The following FNIP1 variants were observed in gnomAD, a reference collection of about 807,000 sequenced individuals.
The protein encoded by FNIP1 is folliculin-interacting protein 1.
Under a neutral mutation model 124.5 loss-of-function variants are expected in FNIP1, and 40 were observed. The ratio of observed to expected loss-of-function variants is 0.32; its 90% confidence interval spans 0.25 to 0.42. The LOEUF (loss-of-function observed/expected upper bound fraction) is 0.42, where lower values mean the gene tolerates loss of function less well. Ranked by LOEUF, FNIP1 falls within the 10% of genes least tolerant of loss-of-function variation. The probability of loss-of-function intolerance (pLI) is 1.00; values close to 1 mark genes in which losing one functional copy is unlikely to be tolerated. For synonymous variants in FNIP1, 472 were observed against 470.6 expected (o/e 1.00, Z -0.04); for missense variants, 1,176 against 1,403.7 (o/e 0.84, Z 2.59).
At chr5:131,737,483 C>T (rs1770352067) in intron 2 of FNIP1, among the ~76,000 whole-genome samples, 1 of 152,176 alleles carries the variant, frequency 6.6e-6, no homozygotes, top group Admixed American at 6.5e-5. Context: ...CTTTCCAGCT[C>T]TCTCAAGTGC....
chr5:131,663,020 G>A (rs1767489018), intron 15 of FNIP1, among the ~76,000 whole-genome samples: 1 of 152,138 alleles, frequency 6.6e-6, no homozygotes, highest in Admixed American at 6.5e-5. Flanking sequence ...TGGGATTACA[G>A]GTGTGAGCCA....
In FNIP1 at chr5:131,672,757, C is replaced by G. The variant is rs755121685; in HGVS notation, c.1687G>C (p.Val563Leu). ...LLENGEDEAI[V>L]MPGTVITTTL... The stretch of plus-strand genomic sequence containing the variant: ...GTAGTAATTACTGTGCCTGGCATAA[C>G]GATGGCTTCATCTTCTCCATTTTCT... The change falls in exon 14 of 18, where the codon GTT becomes CTT. Residue 563 changes from valine (V) to leucine (L), a missense_variant. By Grantham distance (32) the Val-to-Leu change is conservative. Coordinates refer to ENST00000510461, the MANE Select transcript of FNIP1 (RefSeq NM_133372.3). The G allele has an allele frequency of 6.2e-7, 1 of 1,613,494 alleles. No individual in the cohort carries two copies. The highest frequency in any genetic ancestry group is 2.2e-5 in the East Asian group (1 of 44,880).
intron 17 of FNIP1, 91 bp from the exon 18 acceptor site, chr5:131,644,854 ATACCTCAACGG>A: frequency 7.9e-7 from 1 of 1,270,290 alleles, no homozygotes; most frequent in Non-Finnish European, 1.1e-6. Context: ...TAAGGTCACT[ATACCTCAACGG>A]TTAAGGAGCT....
intron 1 of FNIP1, among the ~76,000 whole-genome samples, chr5:131,771,634 C>T (rs1354141993): frequency 6.6e-6 from 1 of 152,148 alleles, no homozygotes; most frequent in Non-Finnish European, 1.5e-5. Flanking sequence ...TATAACAGCA[C>T]CCAATCATAC....
At position 131,707,910 on chromosome 5, in the gene FNIP1, T is replaced by C. The variant is rs530836809; in HGVS notation, c.778+1291A>G. On this transcript the variant is annotated intron_variant, in intron 8 of 17. Transcript: ENST00000510461. The stretch of plus-strand genomic sequence containing the variant: ...TATACTTAAATCTTAAATAAAATAA[T>C]GAGAATTAAATTCCTGCCAGGGAAG... Among the ~76,000 whole-genome samples, 11 of 152,130 alleles carry C rather than the reference T, an allele frequency of 7.2e-5. No individual in the cohort carries two copies. The South Asian group carries it at 2.3e-3, about 32-fold the overall frequency.
chr5:131,710,048 A>G (rs547958505), intron 7 of FNIP1, among the ~76,000 whole-genome samples: 2 of 152,352 alleles, frequency 1.3e-5, no homozygotes, highest in Admixed American at 6.5e-5. Flanking sequence ...CATCAACTTG[A>G]TTATGTAAGC....
At chr5:131,772,420 C>CAA (rs10579529) in intron 1 of FNIP1, among the ~76,000 whole-genome samples, 1 of 144,916 alleles carries the variant, frequency 6.9e-6, no homozygotes, top group Non-Finnish European at 1.5e-5. Flanking sequence ...AAATTCAAAC[C>CAA]AAAAAAAAAA....
At chr5:131,646,383 A>C (rs1217067847) in intron 17 of FNIP1, among the ~76,000 whole-genome samples, 1 of 152,160 alleles carries the variant, frequency 6.6e-6, no homozygotes, top group East Asian at 1.9e-4. Context: ...CACTAGTAAA[A>C]AATTTTCATG....
At chr5:131,712,508 T>A (rs1460926941) in intron 6 of FNIP1, among the ~76,000 whole-genome samples, 2 of 152,182 alleles carry the variant, frequency 1.3e-5, no homozygotes, top group Non-Finnish European at 2.9e-5. Flanking sequence ...AACGAAAATA[T>A]CACAAAAGAC....
chr5:131,752,557 C>A (rs1208486308), intron 1 of FNIP1, among the ~76,000 whole-genome samples: 13 of 144,226 alleles, frequency 9.0e-5, no homozygotes, highest in African/African-American at 3.2e-4. Flanking sequence ...AAAAAAAGAC[C>A]AGTCCAGAGA....
intron 6 of FNIP1, among the ~76,000 whole-genome samples, chr5:131,714,955 C>T (rs1451143443): frequency 6.6e-6 from 1 of 152,130 alleles, no homozygotes; most frequent in Non-Finnish European, 1.5e-5. Context: ...TCACCACATA[C>T]TTATTGATTG....
At chr5:131,693,333 C>CACACATATATAT (rs1290529554) in intron 11 of FNIP1, among the ~76,000 whole-genome samples, 1 of 50,124 alleles carries the variant, frequency 2.0e-5, no homozygotes, top group Non-Finnish European at 4.0e-5. Context: ...TATATATATA[C>CACACATATATAT]ATATATATAT....
chr5:131,732,792 G>C (rs975370934), intron 2 of FNIP1, among the ~76,000 whole-genome samples: 1 of 152,180 alleles, frequency 6.6e-6, no homozygotes, highest in Admixed American at 6.5e-5. Context: ...TTTTGGCTTA[G>C]GATTGACTTG....
At chr5:131,754,300 G>A (rs757938925) in intron 1 of FNIP1, among the ~76,000 whole-genome samples, 9 of 152,174 alleles carry the variant, frequency 5.9e-5, no homozygotes, top group Admixed American at 3.3e-4. Flanking sequence ...TTTTATCAAC[G>A]TGATACATGC....
At chr5:131,746,010 T>C (rs1458319583) in intron 1 of FNIP1, among the ~76,000 whole-genome samples, 1 of 152,214 alleles carries the variant, frequency 6.6e-6, no homozygotes, top group Non-Finnish European at 1.5e-5. Flanking sequence ...GACCAGATAG[T>C]GCTGACATGG....
intron 15 of FNIP1, among the ~76,000 whole-genome samples, chr5:131,660,911 G>A (rs1055597355): frequency 9.9e-5 from 15 of 152,184 alleles, no homozygotes; most frequent in African/African-American, 3.6e-4. Context: ...GACCCATGGT[G>A]CATGGATTCA....
chr5:131,764,129 C>G (rs967068199), intron 1 of FNIP1, among the ~76,000 whole-genome samples: 2 of 151,996 alleles, frequency 1.3e-5, no homozygotes, highest in Admixed American at 1.3e-4. Flanking sequence ...GTGCCTGCTC[C>G]TCATTCATCT....
intron 10 of FNIP1, among the ~76,000 whole-genome samples, chr5:131,703,117 C>T (rs1038881266): frequency 3.3e-5 from 5 of 152,218 alleles, no homozygotes; most frequent in African/African-American, 1.2e-4. Flanking sequence ...CACTTCAATG[C>T]TGGCAACTTC....
chr5:131,740,697 C>T (rs558318658), intron 2 of FNIP1, among the ~76,000 whole-genome samples: 1 of 152,296 alleles, frequency 6.6e-6, no homozygotes, highest in South Asian at 2.1e-4. Context: ...CAGAGCAACT[C>T]CATCTTGAAT....
Sources: gnomAD v4.1 joint callset for allele counts (sites outside exome capture counted in the v4.1 genomes callset) on GRCh38, gnomAD v4.1.1 for gene constraint, MANE v1.5 for transcripts, NCBI Gene and HGNC (gene_info 2026-07-23, HGNC 2026-07-21) for gene names.